DLGAP2: variants seen among roughly 807,000 people sequenced by gnomAD.
DLGAP2 encodes disks large-associated protein 2.
In DLGAP2, 26 loss-of-function variants were observed where a neutral mutation model predicts 100.3. That is an observed-to-expected ratio of 0.26 (90% CI 0.19 to 0.36). The LOEUF is 0.36. DLGAP2 is among the 10% of genes least tolerant of loss of function. DLGAP2 has a pLI of 1.00. For missense variants in DLGAP2, 1,858 were observed against 1,453.2 expected (o/e 1.28, Z -4.53); for synonymous variants, 886 against 630.1 (o/e 1.41, Z -6.08).
At chr8:898,150 C>T (rs1798182156) in intron 1 of DLGAP2, among the ~76,000 whole-genome samples, 1 of 152,318 alleles carries the variant, frequency 6.6e-6, no homozygotes, top group African/African-American at 2.4e-5. Context: ...CAGGAAAGCG[C>T]TCAGTCAGCC....
chr8:1,253,753 A>G (rs529410768), intron 2 of DLGAP2, among the ~76,000 whole-genome samples: 2 of 152,274 alleles, frequency 1.3e-5, no homozygotes, highest in South Asian at 2.1e-4. Context: ...AATTTAAGTG[A>G]GACTCTGCAC....
At chr8:1,009,214 C>T (rs1423742149) in intron 2 of DLGAP2, among the ~76,000 whole-genome samples, 1 of 152,176 alleles carries the variant, frequency 6.6e-6, no homozygotes, top group Non-Finnish European at 1.5e-5. Flanking sequence ...GTTCTGTCCC[C>T]CAAAACTCTC....
At chr8:1,254,010 C>T (rs1016617011) in intron 2 of DLGAP2, among the ~76,000 whole-genome samples, 5 of 152,214 alleles carry the variant, frequency 3.3e-5, no homozygotes, top group South Asian at 2.1e-4. Flanking sequence ...ACGAGAGGTG[C>T]GGAACCACAG....
chr8:1,109,471 G>A (rs550356929), intron 2 of DLGAP2, among the ~76,000 whole-genome samples: 42 of 8,186 alleles, frequency 5.1e-3, no homozygotes, highest in Admixed American at 6.3e-3. Context: ...GGTCTGTGAC[G>A]TGCTGGGTCT....
chr8:1,524,412 G>A (rs553021232), intron 4 of DLGAP2, among the ~76,000 whole-genome samples: 1 of 152,170 alleles, frequency 6.6e-6, no homozygotes, highest in Non-Finnish European at 1.5e-5. Flanking sequence ...GAACTGAAAT[G>A]CTCCCTGTAG....
At chr8:1,365,733 A>G (rs1479541193) in intron 3 of DLGAP2, among the ~76,000 whole-genome samples, 1 of 152,122 alleles carries the variant, frequency 6.6e-6, no homozygotes, top group Non-Finnish European at 1.5e-5. Context: ...AAATTTCTAA[A>G]TTTCCTGGGA....
At chr8:1,657,957 C>G (rs1798321111) in intron 8 of DLGAP2, among the ~76,000 whole-genome samples, 1 of 152,142 alleles carries the variant, frequency 6.6e-6, no homozygotes, top group Non-Finnish European at 1.5e-5. Flanking sequence ...AGAGAAAAGA[C>G]TTCCTTATGC....
chr8:1,470,936 G>T (rs1158558645), intron 3 of DLGAP2, among the ~76,000 whole-genome samples: 1 of 2,306 alleles, frequency 4.3e-4, no homozygotes, highest in African/African-American at 1.5e-3. Flanking sequence ...GACCCCTCCA[G>T]CCTTTCCCGA....
chr8:1,221,144 C>G (rs78325435), intron 2 of DLGAP2, among the ~76,000 whole-genome samples: 14,105 of 152,066 alleles, frequency 0.093, 835 homozygotes, highest in East Asian at 0.23. Context: ...ATGTCATGTT[C>G]TTAGCTGATC....
chr8:894,629 G>T (rs1011735622), intron 1 of DLGAP2, among the ~76,000 whole-genome samples: 1 of 143,626 alleles, frequency 7.0e-6, no homozygotes, highest in Non-Finnish European at 1.5e-5. Flanking sequence ...AGCTGGCAGG[G>T]GTGGGGTGGG....
intron 2 of DLGAP2, among the ~76,000 whole-genome samples, chr8:917,952 C>G (rs933241116): frequency 1.3e-4 from 20 of 152,180 alleles, no homozygotes; most frequent in African/African-American, 4.3e-4. Context: ...GAGACTGCCT[C>G]ATGACTTTCT....
chr8:1,496,818 T>C (rs1251068243), intron 3 of DLGAP2, among the ~76,000 whole-genome samples: 1 of 152,218 alleles, frequency 6.6e-6, no homozygotes, highest in Non-Finnish European at 1.5e-5. Context: ...CGTTCGCTGC[T>C]GTGCCCAGAG....
intron 2 of DLGAP2, among the ~76,000 whole-genome samples, chr8:1,196,503 C>T (rs1797752206): frequency 6.6e-6 from 1 of 152,168 alleles, no homozygotes; most frequent in Admixed American, 6.5e-5. Flanking sequence ...CAAGCCTGAG[C>T]TGGAACAAGT....
Position 1,429,997 on chromosome 8 carries a change from C to CATATATATATATATATATATAT in DLGAP2, c.107-71360_107-71359insTATATATATATATATATATATA, listed in dbSNP as rs1361890198. ...GAATGAAAGCAGAAGGGGAGAGATG[C>CATATATATATATATATATATAT]ATATATATACATATATATATATATA... On this transcript the variant is annotated intron_variant, in intron 3 of 14. Transcript: ENST00000637795. 7.8e-3 allele frequency among the ~76,000 whole-genome samples: 153 copies of CATATATATATATATATATATAT among 19,532 alleles called. 25 individuals carry two copies. Among genetic ancestry groups the CATATATATATATATATATATAT allele is most frequent in the East Asian group, 0.014 (4 of 294 alleles). 12.8% of individuals were successfully genotyped at this position (19,532 alleles called of 152,430 possible).
chr8:1,189,801 G>T lies in DLGAP2; in HGVS notation c.74-69050G>T, dbSNP rs182849269. ...CCTGGGCCACTTCCATAAGCGGGAG[G>T]GCTGCAGGAGGGGTCCCCCTGAGGG... On this transcript the variant is annotated intron_variant, in intron 2 of 14. Coordinates refer to ENST00000637795, the MANE Select transcript of DLGAP2 (RefSeq NM_001346810.2). Among the ~76,000 whole-genome samples the T allele has an allele frequency of 3.0e-4, 45 of 152,180 alleles. 1 individual carries two copies. The highest frequency in any genetic ancestry group is 1.8e-3 in the Admixed American group (28 of 15,290).
chr8:1,634,247 A>T (rs553372955), intron 8 of DLGAP2, among the ~76,000 whole-genome samples: 2 of 152,362 alleles, frequency 1.3e-5, no homozygotes, highest in East Asian at 3.9e-4. Context: ...TATTTTTCAA[A>T]GAAAGCTGTG....
chr8:1,141,064 C>T (rs1796512832), intron 2 of DLGAP2, among the ~76,000 whole-genome samples: 1 of 152,112 alleles, frequency 6.6e-6, no homozygotes, highest in African/African-American at 2.4e-5. Flanking sequence ...TTGGGTCTGT[C>T]TTTGTTGAGT....
intron 1 of DLGAP2, among the ~76,000 whole-genome samples, chr8:864,877 A>T (rs1797465457): frequency 6.6e-6 from 1 of 152,222 alleles, no homozygotes; most frequent in South Asian, 2.1e-4. Context: ...ATTGATAATT[A>T]TAAGACAAAT....
intron 12 of DLGAP2, among the ~76,000 whole-genome samples, chr8:1,683,653 G>A (rs1024942428): frequency 6.7e-6 from 1 of 149,182 alleles, no homozygotes; most frequent in African/African-American, 2.5e-5. Flanking sequence ...GAAGCAGGAG[G>A]ATGGGCTGTC....
Sources: gnomAD v4.1 joint callset for allele counts (sites outside exome capture counted in the v4.1 genomes callset) on GRCh38, gnomAD v4.1.1 for gene constraint, MANE v1.5 for transcripts, NCBI Gene and HGNC (gene_info 2026-07-23, HGNC 2026-07-21) for gene names.